MGAT4C: variants seen among roughly 807,000 people sequenced by gnomAD.
The protein encoded by MGAT4C is alpha-1,3-mannosyl-glycoprotein 4-beta-N-acetylglucosaminyltransferase C.
Under a neutral mutation model 40.1 loss-of-function variants are expected in MGAT4C, and 19 were observed. The ratio of observed to expected loss-of-function variants is 0.47; its 90% CI spans 0.33 to 0.70. MGAT4C has a LOEUF of 0.70. Among genes scored for constraint, MGAT4C ranks in the 30% least tolerant of loss-of-function variants. The probability of loss-of-function intolerance (pLI) is 0.02; values close to 1 mark genes in which losing one functional copy is unlikely to be tolerated. For synonymous variants in MGAT4C, 181 were observed against 187.1 expected (o/e 0.97, Z 0.27); for missense variants, 491 against 563.2 (o/e 0.87, Z 1.30).
At chr12:86,128,438 T>A (rs1244399288) in intron 1 of MGAT4C, among the ~76,000 whole-genome samples, 3 of 152,136 alleles carry the variant, frequency 2.0e-5, no homozygotes, top group Non-Finnish European at 4.4e-5. Context: ...TGCTTTTGCA[T>A]CTTCCTCATT....
intron 2 of MGAT4C, among the ~76,000 whole-genome samples, chr12:86,567,061 C>A (rs1437744406): frequency 2.0e-5 from 3 of 152,132 alleles, no homozygotes; most frequent in East Asian, 3.9e-4. Flanking sequence ...ATTACAATGT[C>A]AACTAGGTAA....
intron 2 of MGAT4C, among the ~76,000 whole-genome samples, chr12:86,642,134 G>A (rs1440889721): frequency 2.6e-5 from 4 of 151,812 alleles, no homozygotes; most frequent in Non-Finnish European, 5.9e-5. Context: ...AATTGATATG[G>A]AGATAAGAAG....
At chr12:86,788,298 GT>G (rs373080606) in intron 1 of MGAT4C, among the ~76,000 whole-genome samples, 1,837 of 137,778 alleles carry the variant, frequency 0.013, 12 homozygotes, top group African/African-American at 0.023. Flanking sequence ...TCATTATTAG[GT>G]TTTTTTTTTT....
At position 86,772,269 on chromosome 12, in the gene MGAT4C, T is replaced by C. The variant is rs1395492945; in HGVS notation, c.-261-45028A>G. 2.6e-5 allele frequency among the ~76,000 whole-genome samples: 4 copies of C among 152,162 alleles called. No homozygotes were observed. The East Asian group carries it at 5.8e-4, about 22-fold the overall frequency. The stretch of plus-strand genomic sequence containing the variant: ...GTTTGATGGCTTGGACGTCTGTGAA[T>C]TGCATGGTAGGCCAGAAAAGTTTTT... On this transcript the variant is annotated intron_variant, in intron 1 of 7. Coordinates refer to the MGAT4C transcript ENST00000548651.
intron 1 of MGAT4C, among the ~76,000 whole-genome samples, chr12:86,831,870 A>T (rs928509000): frequency 6.6e-6 from 1 of 151,866 alleles, no homozygotes; most frequent in Non-Finnish European, 1.5e-5. Context: ...TGGGCAGGTG[A>T]TTGACAACCT....
At chr12:86,425,396 G>A (rs1956907001) in intron 3 of MGAT4C, among the ~76,000 whole-genome samples, 1 of 151,978 alleles carries the variant, frequency 6.6e-6, no homozygotes, top group Admixed American at 6.6e-5. Context: ...GCACTTCCTC[G>A]CTCTTGCTCT....
intron 1 of MGAT4C, among the ~76,000 whole-genome samples, chr12:86,200,049 A>G (rs1457937207): frequency 6.6e-6 from 1 of 150,512 alleles, no homozygotes; most frequent in African/African-American, 2.5e-5. Context: ...CAAGCCCTCT[A>G]TATTTATATT....
intron 2 of MGAT4C, among the ~76,000 whole-genome samples, chr12:86,661,111 C>T (rs1482347474): frequency 6.6e-6 from 1 of 152,028 alleles, no homozygotes; most frequent in Non-Finnish European, 1.5e-5. Context: ...ACAGTCTCCC[C>T]TTGATAGCTT....
chr12:85,996,139 C>T (rs1886599636), intron 2 of MGAT4C, among the ~76,000 whole-genome samples: 1 of 151,684 alleles, frequency 6.6e-6, no homozygotes, highest in South Asian at 2.1e-4. Flanking sequence ...TATAACTAGG[C>T]TGAAACTAAT....
intron 2 of MGAT4C, among the ~76,000 whole-genome samples, chr12:86,615,005 T>C (rs1962404965): frequency 6.6e-6 from 1 of 152,014 alleles, no homozygotes; most frequent in Non-Finnish European, 1.5e-5. Context: ...GAGTATATCA[T>C]CTTGTTTATA....
intron 1 of MGAT4C, among the ~76,000 whole-genome samples, chr12:86,105,231 T>C (rs1365695520): frequency 6.6e-6 from 1 of 152,108 alleles, no homozygotes; most frequent in Non-Finnish European, 1.5e-5. Flanking sequence ...GAATCTATTT[T>C]CTTCCTCCAA....
At chr12:86,611,012 T>C (rs952754647) in intron 2 of MGAT4C, among the ~76,000 whole-genome samples, 7 of 151,778 alleles carry the variant, frequency 4.6e-5, no homozygotes, top group Non-Finnish European at 7.4e-5. Context: ...GTTCTCTCGC[T>C]GTGCTCAGTC....
chr12:86,766,102 T>C (rs202085891), intron 1 of MGAT4C, among the ~76,000 whole-genome samples: 1 of 152,094 alleles, frequency 6.6e-6, no homozygotes, highest in Non-Finnish European at 1.5e-5. Context: ...AACCCATCAG[T>C]GTGCTGTATT....
chr12:86,471,472 A>G (rs986730802), intron 2 of MGAT4C, among the ~76,000 whole-genome samples: 4 of 152,058 alleles, frequency 2.6e-5, no homozygotes, highest in Non-Finnish European at 5.9e-5. Flanking sequence ...AAAAAATACA[A>G]AAATATAAAA....
intron 1 of MGAT4C, among the ~76,000 whole-genome samples, chr12:86,076,870 C>T (rs1352328724): frequency 6.6e-6 from 1 of 152,054 alleles, no homozygotes; most frequent in Non-Finnish European, 1.5e-5. Context: ...AAGCCATCTG[C>T]AGGCTGAGGA....
intron 2 of MGAT4C, among the ~76,000 whole-genome samples, chr12:86,564,365 A>G (rs1959995742): frequency 6.6e-6 from 1 of 152,036 alleles, no homozygotes; most frequent in Admixed American, 6.6e-5. Context: ...GGCCAGCAAT[A>G]TACCTTCACT....
intron 1 of MGAT4C, among the ~76,000 whole-genome samples, chr12:86,752,950 C>A (rs530053472): frequency 6.6e-6 from 1 of 152,210 alleles, no homozygotes; most frequent in East Asian, 1.9e-4. Flanking sequence ...AATAAAACTT[C>A]TAGAGGAAAC....
At chr12:86,686,168 T>G in intron 2 of MGAT4C, among the ~76,000 whole-genome samples, 1 of 152,064 alleles carries the variant, frequency 6.6e-6, no homozygotes. Flanking sequence ...GGTGAGCCAC[T>G]GCACCCGGCT....
chr12:86,508,148 G>A (rs143983030), intron 2 of MGAT4C, among the ~76,000 whole-genome samples: 5,973 of 152,054 alleles, frequency 0.039, 186 homozygotes, highest in Non-Finnish European at 0.064. Context: ...ATGCTGGTGC[G>A]CTGCACCCAC....
Sources: gnomAD v4.1 joint callset for allele counts (sites outside exome capture counted in the v4.1 genomes callset) on GRCh38, gnomAD v4.1.1 for gene constraint, MANE v1.5 for transcripts, NCBI Gene and HGNC (gene_info 2026-07-23, HGNC 2026-07-21) for gene names.